The following NCKAP5 variants were observed in gnomAD, a reference collection of about 807,000 sequenced individuals.
The protein encoded by NCKAP5 is NCK associated protein 5, also known as nck-associated protein 5.
In NCKAP5, 92 loss-of-function variants were observed where a neutral mutation model predicts 167.0. That is an observed-to-expected ratio of 0.55 (90% CI 0.47 to 0.66). The LOEUF (loss-of-function observed/expected upper bound fraction) is 0.66, where lower values mean the gene tolerates loss of function less well. NCKAP5 is among the 30% of genes least tolerant of loss of function. The pLI, the probability that NCKAP5 is intolerant of heterozygous loss-of-function variation, is 0.00. For synonymous variants in NCKAP5, 891 were observed against 877.4 expected (o/e 1.02, Z -0.27); for missense variants, 2,378 against 2,315.0 (o/e 1.03, Z -0.56).
At chr2:133,364,100 CATT>C (rs981238253) in intron 3 of NCKAP5, among the ~76,000 whole-genome samples, 2 of 152,144 alleles carry the variant, frequency 1.3e-5, no homozygotes, top group African/African-American at 4.8e-5. Flanking sequence ...ATCTAATCAT[CATT>C]ATTATTCCAT....
intron 11 of NCKAP5, among the ~76,000 whole-genome samples, chr2:132,847,299 T>A (rs2105458531): frequency 6.6e-6 from 1 of 152,328 alleles, no homozygotes; most frequent in Non-Finnish European, 1.5e-5. Context: ...GTACCTTACA[T>A]ATGCTAACTC....
intron 6 of NCKAP5, among the ~76,000 whole-genome samples, chr2:133,100,199 G>C (rs2081465266): frequency 6.6e-6 from 1 of 152,154 alleles, no homozygotes; most frequent in Admixed American, 6.5e-5. Flanking sequence ...TCCCAAAAGG[G>C]AGTCCGTAGA....
chr2:132,983,309 T>C (rs112630076), intron 7 of NCKAP5, among the ~76,000 whole-genome samples: 15,985 of 152,208 alleles, frequency 0.11, 1,104 homozygotes, highest in South Asian at 0.19. Context: ...TTCTTTATCT[T>C]GCCTAATTGC....
At chr2:133,218,764 T>C (rs2086534944) in intron 4 of NCKAP5, among the ~76,000 whole-genome samples, 1 of 152,144 alleles carries the variant, frequency 6.6e-6, no homozygotes, top group African/African-American at 2.4e-5. Flanking sequence ...TACTAAATGA[T>C]AAAAGAGTCC....
intron 5 of NCKAP5, among the ~76,000 whole-genome samples, chr2:133,175,147 T>C (rs903239154): frequency 6.6e-6 from 1 of 152,192 alleles, no homozygotes; most frequent in Non-Finnish European, 1.5e-5. Context: ...CCAGGGGTCA[T>C]CTGTATATAA....
intron 16 of NCKAP5, among the ~76,000 whole-genome samples, chr2:132,761,201 A>C (rs149950459): frequency 1.8e-3 from 271 of 149,798 alleles, no homozygotes; most frequent in Non-Finnish European, 2.8e-3. Context: ...TTGATCTAAC[A>C]TTTCACCCTA....
intron 3 of NCKAP5, among the ~76,000 whole-genome samples, chr2:133,446,876 C>A (rs894372970): frequency 6.6e-6 from 1 of 152,048 alleles, no homozygotes; most frequent in African/African-American, 2.4e-5. Context: ...CAGAGCACAG[C>A]TTGAAGTGCC....
intron 3 of NCKAP5, among the ~76,000 whole-genome samples, chr2:133,492,479 C>T (rs1047860450): frequency 6.6e-6 from 1 of 152,160 alleles, no homozygotes; most frequent in Admixed American, 6.5e-5. Flanking sequence ...ACAACGCTTC[C>T]TGTGCGTGGT....
chr2:133,065,949 A>T (rs1351279589), intron 6 of NCKAP5, among the ~76,000 whole-genome samples: 1 of 152,240 alleles, frequency 6.6e-6, no homozygotes, highest in Non-Finnish European at 1.5e-5. Flanking sequence ...TTCTCCATTC[A>T]TCTTAATGGG....
chr2:133,017,540 T>C (rs891231812), intron 6 of NCKAP5, among the ~76,000 whole-genome samples: 3 of 152,128 alleles, frequency 2.0e-5, no homozygotes, highest in Non-Finnish European at 4.4e-5. Flanking sequence ...TATTTTTGAA[T>C]GGAAACATGG....
the NCKAP5 span, among the ~76,000 whole-genome samples, chr2:133,615,404 C>T: frequency 0.63 from 95,104 of 151,556 alleles, 30,951 homozygotes; most frequent in Middle Eastern, 0.78. Flanking sequence ...TCAGGAAACT[C>T]ATCTCATGTG....
intron 3 of NCKAP5, among the ~76,000 whole-genome samples, chr2:133,397,622 G>T (rs1206333254): frequency 1.3e-5 from 2 of 152,154 alleles, no homozygotes; most frequent in Non-Finnish European, 2.9e-5. Context: ...GCAATAAAGT[G>T]CTCTGGGGCT....
At chr2:133,052,350 T>G (rs2079634504) in intron 6 of NCKAP5, among the ~76,000 whole-genome samples, 1 of 152,166 alleles carries the variant, frequency 6.6e-6, no homozygotes, top group Non-Finnish European at 1.5e-5. Context: ...AATGCAGGGA[T>G]AAAGGGTTGG....
intron 3 of NCKAP5, among the ~76,000 whole-genome samples, chr2:133,314,816 C>T (rs890086271): frequency 6.6e-6 from 1 of 152,104 alleles, no homozygotes; most frequent in African/African-American, 2.4e-5. Flanking sequence ...GTGGCATCAA[C>T]ATAGACTGGT....
At chr2:132,879,969 T>TA (rs1691622655) in intron 8 of NCKAP5, among the ~76,000 whole-genome samples, 1 of 152,100 alleles carries the variant, frequency 6.6e-6, no homozygotes, top group Non-Finnish European at 1.5e-5. Flanking sequence ...TATTTGGCCA[T>TA]AAAAAAGAAT....
intron 3 of NCKAP5, among the ~76,000 whole-genome samples, chr2:133,441,081 CAG>C (rs1339081629): frequency 4.4e-4 from 36 of 81,334 alleles, no homozygotes; most frequent in Middle Eastern, 5.9e-3. Flanking sequence ...TCACACCCTA[CAG>C]ACACACACAC....
chr2:133,479,225 C>T (rs1225707626), intron 3 of NCKAP5, among the ~76,000 whole-genome samples: 1 of 152,110 alleles, frequency 6.6e-6, no homozygotes, highest in Non-Finnish European at 1.5e-5. Flanking sequence ...ATGCCTGCAT[C>T]GAAGGAGAGG....
chr2:133,518,613 C>G (rs1373219259), intron 2 of NCKAP5, among the ~76,000 whole-genome samples: 1 of 151,986 alleles, frequency 6.6e-6, no homozygotes, highest in African/African-American at 2.4e-5. Flanking sequence ...CTCGGCCTCC[C>G]AAAGTACTGG....
chr2:132,712,626 T>A (rs1253021902), intron 19 of NCKAP5, among the ~76,000 whole-genome samples: 1 of 151,904 alleles, frequency 6.6e-6, no homozygotes, highest in Non-Finnish European at 1.5e-5. Context: ...CACTCCAGCC[T>A]GGGCAACAGA....
Sources: allele counts gnomAD v4.1 joint callset (sites outside exome capture counted in the v4.1 genomes callset), GRCh38; gene constraint gnomAD v4.1.1; transcripts MANE v1.5; gene names NCBI Gene and HGNC (gene_info 2026-07-23, HGNC 2026-07-21).